Variants in SNX5 observed in about 807,000 individuals in gnomAD.
SNX5 encodes the protein sorting nexin 5.
Under a neutral mutation model 53.9 loss-of-function variants are expected in SNX5, and 31 were observed. That is an observed-to-expected ratio of 0.58 (90% CI 0.43 to 0.78). The LOEUF is 0.78. Ranked by LOEUF, SNX5 falls within the 30% of genes least tolerant of loss-of-function variation. The pLI is 0.00. For synonymous variants in SNX5, 168 were observed against 171.1 expected (o/e 0.98, Z 0.14); for missense variants, 471 against 478.8 (o/e 0.98, Z 0.15).
intron 1 of SNX5, chr20:17,961,231 C>T: frequency 9.1e-6 from 9 of 985,420 alleles, no homozygotes; most frequent in Non-Finnish European, 1.1e-5. Flanking sequence ...TCTTCATAAA[C>T]TCACTTTTGG....
chr20:17,956,470 TTGAATCC>T (rs1283895829), intron 2 of SNX5, among the ~76,000 whole-genome samples: 2 of 152,032 alleles, frequency 1.3e-5, no homozygotes, highest in Non-Finnish European at 2.9e-5. Flanking sequence ...GGCTCACGCC[TTGAATCC>T]CAGCACTTTG....
chr20:17,957,418 G>C (rs1451527145), intron 1 of SNX5, among the ~76,000 whole-genome samples: 5 of 136,556 alleles, frequency 3.7e-5, no homozygotes, highest in African/African-American at 1.4e-4. Flanking sequence ...CTGGGCGACA[G>C]AGCGAAACTG....
chr20:17,959,536 A>G (rs751380299), intron 1 of SNX5, among the ~76,000 whole-genome samples: 14 of 152,200 alleles, frequency 9.2e-5, no homozygotes, highest in Non-Finnish European at 1.9e-4. Context: ...ATCACTTGAC[A>G]TGACAGTCCT....
At position 17,949,088 on chromosome 20, in the gene SNX5, A is replaced by G. The variant is rs2039528172; in HGVS notation, c.807T>C (p.Val269=). 6.2e-7 allele frequency: 1 copy of G among 1,613,208 alleles called. No individual in the cohort carries two copies. The highest frequency in any genetic ancestry group is 1.3e-5 in the African/African-American group (1 of 74,904). Residue 269 remains valine, a synonymous_variant, in exon 9 of 13, where the codon GTT becomes GTC. Coordinates refer to ENST00000377759, the MANE Select transcript of SNX5 (RefSeq NM_014426.4). ...PTVIKKYLLK[V]AELFEKLRKV... is the part of the protein sequence containing the mutation. The stretch of plus-strand genomic sequence containing the variant: ...CCCTTAGTTTTTCAAATAGCTCAGC[A>G]ACCTTCAATAGGTACCTGGAAATGT...
intron 1 of SNX5, among the ~76,000 whole-genome samples, chr20:17,959,342 TA>T: frequency 6.6e-6 from 1 of 152,350 alleles, no homozygotes; most frequent in Non-Finnish European, 1.5e-5. Context: ...CCCCCGACTA[TA>T]CCTGTCTTCC....
chr20:17,949,058 C>A lies in SNX5; in HGVS notation c.831+6G>T, dbSNP rs746366150. The A allele has an allele frequency of 6.2e-7, 1 of 1,612,410 alleles. No individual in the cohort carries two copies. Among genetic ancestry groups the A allele is most frequent in the Non-Finnish European group, 8.5e-7 (1 of 1,179,050 alleles). ...ATATTATGAAGACCAACACAGAAAT[C>A]CTTACCCTTAGTTTTTCAAATAGCT... is the stretch of plus-strand genomic sequence containing the variant. On this transcript the variant is annotated splice_donor_region_variant and intron_variant, in intron 9 of 12. Transcript: ENST00000377759.
intron 10 of SNX5, 115 bp downstream of exon 10, chr20:17,948,775 T>A: frequency 2.5e-6 from 2 of 801,870 alleles, no homozygotes; most frequent in Non-Finnish European, 4.1e-6. Flanking sequence ...GAAAGGCATG[T>A]CATTTATAAA....
intron 4 of SNX5, 111 bp downstream of exon 4, chr20:17,953,885 T>A (rs1485472237): frequency 1.8e-5 from 16 of 886,796 alleles, no homozygotes; most frequent in Non-Finnish European, 2.8e-5. Context: ...GGGACCTAAT[T>A]AAACAGCTGC....
At chr20:17,942,570 C>T (rs1375958610) in intron 12 of SNX5, 163 bp from the exon 13 acceptor site, 10 of 636,204 alleles carry the variant, frequency 1.6e-5, no homozygotes, top group East Asian at 1.4e-4. Context: ...CAACGTACCA[C>T]GCATCCCCAT....
At chr20:17,965,342 G>C (rs1262751963) in intron 1 of SNX5, among the ~76,000 whole-genome samples, 3 of 152,116 alleles carry the variant, frequency 2.0e-5, no homozygotes, top group Non-Finnish European at 2.9e-5. Flanking sequence ...TTGAGAAACT[G>C]AATTTTAAAC....
intron 4 of SNX5, among the ~76,000 whole-genome samples, chr20:17,953,371 T>A (rs1489176721): frequency 6.6e-6 from 1 of 152,242 alleles, no homozygotes; most frequent in African/African-American, 2.4e-5. Flanking sequence ...CAAAAATCTA[T>A]TTTTGTTTGA....
At chr20:17,948,269 T>C (rs1005299025) in intron 10 of SNX5, among the ~76,000 whole-genome samples, 1 of 152,230 alleles carries the variant, frequency 6.6e-6, no homozygotes, top group Non-Finnish European at 1.5e-5. Context: ...CTTAATTCCA[T>C]GAAAGTAGAA....
chr20:17,963,018 G>A, intron 1 of SNX5: 1 of 397,432 alleles, frequency 2.5e-6, no homozygotes, highest in Non-Finnish European at 5.0e-6. Context: ...AATATCTAAT[G>A]CATGTCAAGA....
At chr20:17,946,676 C>CA (rs535669093) in intron 11 of SNX5, among the ~76,000 whole-genome samples, 105 of 152,314 alleles carry the variant, frequency 6.9e-4, no homozygotes, top group African/African-American at 2.4e-3. Context: ...CTGCAATCGT[C>CA]AGAGTAACAG....
intron 1 of SNX5, among the ~76,000 whole-genome samples, chr20:17,965,184 A>T (rs577208148): frequency 6.6e-6 from 1 of 152,296 alleles, no homozygotes; most frequent in African/African-American, 2.4e-5. Context: ...AGTGATTCTC[A>T]AACAGGCAAT....
At position 17,955,571 on chromosome 20, in the gene SNX5, A is replaced by G. The variant is rs945416063; in HGVS notation, c.157-96T>C. Reference sequence around the variant, plus strand: ...ACAGTGGGAAAATTCTGCATAATACATCATAATATGATCCAGTAAAGAACA... The same window carrying G: ...ACAGTGGGAAAATTCTGCATAATACGTCATAATATGATCCAGTAAAGAACA... On this transcript the variant is annotated intron_variant, in intron 2 of 12. Coordinates refer to ENST00000377759, the MANE Select transcript of SNX5 (RefSeq NM_014426.4). 6 of 740,386 alleles carry G rather than the reference A, an allele frequency of 8.1e-6. No homozygotes were observed. In the African/African-American group the frequency reaches 1.1e-4, roughly 13 times the overall value. The allele number at this position is 740,386 out of a possible 1,614,324, so 45.9% of individuals were successfully genotyped here.
intron 11 of SNX5, among the ~76,000 whole-genome samples, chr20:17,946,081 G>A (rs1355123172): frequency 6.6e-6 from 1 of 152,178 alleles, no homozygotes; most frequent in Non-Finnish European, 1.5e-5. Context: ...TCTTAGGTAA[G>A]GACTACATAT....
At chr20:17,956,788 T>C (rs1462098935) in intron 2 of SNX5, 145 bp downstream of exon 2, 2 of 571,774 alleles carry the variant, frequency 3.5e-6, no homozygotes, top group African/African-American at 1.9e-5. Context: ...ATGCTTACTG[T>C]GAGATAGATT....
At chr20:17,945,010 C>A (rs1392747297) in intron 11 of SNX5, 1 of 152,234 alleles carries the variant, frequency 6.6e-6, no homozygotes, top group Non-Finnish European at 1.5e-5. Flanking sequence ...GACCATCACC[C>A]AACCTTCTGC....
Sources: allele counts gnomAD v4.1 joint callset (sites outside exome capture counted in the v4.1 genomes callset), GRCh38; gene constraint gnomAD v4.1.1; transcripts MANE v1.5; gene names NCBI Gene and HGNC (gene_info 2026-07-23, HGNC 2026-07-21).